Variants in TTLL12 observed in about 807,000 individuals in gnomAD.
The protein encoded by TTLL12 is tubulin--tyrosine ligase-like protein 12.
TTLL12 carries 77 observed loss-of-function variants against 79.6 expected under a neutral mutation model. The observed-to-expected ratio is 0.97, with a 90% confidence interval of 0.81 to 1.17. The LOEUF (loss-of-function observed/expected upper bound fraction) is 1.17. TTLL12 is among the 50% of genes most tolerant of loss of function. The pLI is 0.00. For synonymous variants in TTLL12, 437 were observed against 376.1 expected (o/e 1.16, Z -1.87); for missense variants, 969 against 895.9 (o/e 1.08, Z -1.04).
At chr22:43,171,674 A>G in intron 11 of TTLL12, 145 bp downstream of exon 11, 1 of 634,090 alleles carries the variant, frequency 1.6e-6, no homozygotes, top group Admixed American at 2.7e-5. Context: ...CAGCGCTAAC[A>G]ATCGCCTTCC....
chr22:43,184,089 T>C (rs1932123941), intron 1 of TTLL12, among the ~76,000 whole-genome samples: 1 of 152,230 alleles, frequency 6.6e-6, no homozygotes, highest in Non-Finnish European at 1.5e-5. Flanking sequence ...TCTGAGACTG[T>C]TTCTTCACTT....
chr22:43,176,444 G>A (rs775467708), intron 5 of TTLL12, 48 bp from the exon 6 acceptor site: 18 of 1,508,956 alleles, frequency 1.2e-5, no homozygotes, highest in Non-Finnish European at 1.4e-5. Flanking sequence ...GGAAGGGAGG[G>A]AAAGGCCGGC....
chr22:43,180,238 G>C (rs1386511982), intron 3 of TTLL12, among the ~76,000 whole-genome samples: 4 of 152,182 alleles, frequency 2.6e-5, no homozygotes, highest in African/African-American at 9.7e-5. Flanking sequence ...AGGGCGTTTG[G>C]TAACAAGGCA....
chr22:43,175,168 G>A (rs1296700913), intron 6 of TTLL12: 1 of 152,370 alleles, frequency 6.6e-6, no homozygotes, highest in East Asian at 1.9e-4. Flanking sequence ...GCCTGTTCTT[G>A]GCTAGACCAG....
intron 1 of TTLL12, among the ~76,000 whole-genome samples, chr22:43,184,627 T>C (rs1336644135): frequency 6.6e-6 from 1 of 152,238 alleles, no homozygotes; most frequent in African/African-American, 2.4e-5. Context: ...AGTTCTCCTT[T>C]AGCCCTCAAG....
Position 43,172,405 on chromosome 22 carries a change from G to T in TTLL12, c.1491C>A (p.Asn497Lys). ...VYDVFWLRFSNRAFALNDLDD... is the reference protein window; with the variant it reads ...VYDVFWLRFSKRAFALNDLDD... ...GACCCAGCCGGCCCTCCACTTACCG[G>T]TTGGAGAACCGCAGCCAGAACACAT... is the stretch of plus-strand genomic sequence containing the variant. The change falls in exon 10 of 14, where the codon AAC becomes AAA. Residue 497 changes from asparagine to lysine, a missense_variant and splice_region_variant. By Grantham distance (94) the Asn-to-Lys change is moderately conservative. Transcript: ENST00000216129. 6.2e-7 allele frequency: 1 copy of T among 1,614,032 alleles called. No individual in the cohort carries two copies. Among genetic ancestry groups the T allele is most frequent in the Non-Finnish European group, 8.5e-7 (1 of 1,179,950 alleles).
chr22:43,174,765 C>G (rs753465366), intron 6 of TTLL12, 150 bp from the exon 7 acceptor site: 5 of 607,196 alleles, frequency 8.2e-6, no homozygotes, highest in Non-Finnish European at 1.4e-5. Context: ...CTGGACAGCC[C>G]GGGTTCAGAC....
intron 6 of TTLL12, chr22:43,175,199 T>C (rs1448931612): frequency 6.6e-6 from 1 of 151,816 alleles, no homozygotes; most frequent in Non-Finnish European, 1.5e-5. Context: ...CCAAGGGGAG[T>C]GTCTGGGAGC....
intron 5 of TTLL12, 91 bp from the exon 6 acceptor site, chr22:43,176,487 T>C: frequency 4.8e-6 from 5 of 1,040,818 alleles, no homozygotes; most frequent in South Asian, 1.4e-5. Context: ...CCCAGCACTT[T>C]GAGAGGGTGA....
intron 5 of TTLL12, among the ~76,000 whole-genome samples, chr22:43,178,607 C>T (rs1380794937): frequency 1.3e-5 from 2 of 152,194 alleles, no homozygotes; most frequent in Non-Finnish European, 2.9e-5. Context: ...AGGCATGAGC[C>T]CCCACGCCCA....
intron 1 of TTLL12, among the ~76,000 whole-genome samples, chr22:43,184,283 T>C (rs1179540045): frequency 6.6e-6 from 1 of 152,268 alleles, no homozygotes; most frequent in Non-Finnish European, 1.5e-5. Flanking sequence ...GCAGCTTTTG[T>C]GCACTGGGCA....
At position 43,174,249 on chromosome 22, in the gene TTLL12, G is replaced by C; in HGVS notation, c.1189C>G (p.Leu397Val). The C allele has an allele frequency of 6.2e-7, 1 of 1,608,248 alleles. No homozygotes were observed. Among genetic ancestry groups the C allele is most frequent in the Non-Finnish European group, 8.5e-7 (1 of 1,179,888 alleles). ...LPRTFNLRTE[L>V]PQFVSYFQQR... ...TGGAAGTAGCTGACAAACTGGGGCAGCTCAGTGCGCAGGTTGAAGGTTCGG... is the reference window on the plus strand; with the variant it reads ...TGGAAGTAGCTGACAAACTGGGGCACCTCAGTGCGCAGGTTGAAGGTTCGG... The change falls in exon 8 of 14, where the codon CTG becomes GTG. Residue 397 changes from leucine (L) to valine (V), a missense_variant. Physicochemically the swap from Leu to Val is conservative, Grantham distance 32. Coordinates refer to ENST00000216129, the MANE Select transcript of TTLL12 (RefSeq NM_015140.4).
Position 43,172,389 on chromosome 22 carries a change from G to A in TTLL12, c.1493+14C>T, listed in dbSNP as rs199743472. On this transcript the variant is annotated intron_variant, in intron 10 of 13. Transcript: ENST00000216129. ...CAGCTCCCCGACCCTGGACCCAGCCGGCCCTCCACTTACCGGTTGGAGAAC... is the reference window on the plus strand; with the variant it reads ...CAGCTCCCCGACCCTGGACCCAGCCAGCCCTCCACTTACCGGTTGGAGAAC... The A allele has an allele frequency of 1.4e-5, 23 of 1,613,252 alleles. No individual in the cohort carries two copies. Among genetic ancestry groups the A allele is most frequent in the South Asian group, 4.4e-5 (4 of 91,074 alleles).
intron 3 of TTLL12, 113 bp from the exon 4 acceptor site, chr22:43,180,113 C>A (rs945914697): frequency 9.2e-6 from 12 of 1,305,474 alleles, no homozygotes; most frequent in African/African-American, 2.9e-5. Context: ...ATCTTGGAGG[C>A]CCTCTCACAT....
At chr22:43,171,660 A>G in intron 11 of TTLL12, 159 bp downstream of exon 11, 2 of 597,432 alleles carry the variant, frequency 3.3e-6, no homozygotes, top group Non-Finnish European at 6.0e-6. Context: ...CTGGCTCATG[A>G]TGGCAGCGCT....
intron 6 of TTLL12, among the ~76,000 whole-genome samples, 153 bp from the exon 7 acceptor site, chr22:43,174,768 G>A (rs1931860399): frequency 1.3e-5 from 2 of 152,204 alleles, no homozygotes. Context: ...GACAGCCCGG[G>A]TTCAGACCCC....
In TTLL12 at chr22:43,167,494, T is replaced by G. The variant is rs1931646159; in HGVS notation, c.*514A>C. On this transcript the variant is annotated 3_prime_UTR_variant, in exon 14 of 14. Coordinates refer to ENST00000216129, the MANE Select transcript of TTLL12 (RefSeq NM_015140.4). Reference sequence around the variant, plus strand: ...GTCGCATAGAGCCCTGTGGGTGCAGTGTGGGGCCCCACAGCCGTCCCGGGG... The same window carrying G: ...GTCGCATAGAGCCCTGTGGGTGCAGGGTGGGGCCCCACAGCCGTCCCGGGG... 1 of 229,600 alleles carries G rather than the reference T, an allele frequency of 4.4e-6. No individual in the cohort carries two copies. Among genetic ancestry groups the G allele is most frequent in the Non-Finnish European group, 8.8e-6 (1 of 113,318 alleles). The allele number at this position is 229,600 out of a possible 1,614,324, so 14.2% of individuals were successfully genotyped here.
At chr22:43,173,359 G>T (rs1452338300) in intron 9 of TTLL12, among the ~76,000 whole-genome samples, 1 of 152,138 alleles carries the variant, frequency 6.6e-6, no homozygotes, top group Non-Finnish European at 1.5e-5. Context: ...CGCCCAGGGC[G>T]GAGTGCAGTG....
intron 12 of TTLL12, among the ~76,000 whole-genome samples, 186 bp downstream of exon 12, chr22:43,169,313 CA>C (rs1170328221): frequency 2.0e-5 from 3 of 152,194 alleles, no homozygotes; most frequent in Non-Finnish European, 4.4e-5. Context: ...GGAGCACCCA[CA>C]AATGCCCAGG....
Sources: allele counts gnomAD v4.1 joint callset (sites outside exome capture counted in the v4.1 genomes callset), GRCh38; gene constraint gnomAD v4.1.1; transcripts MANE v1.5; gene names NCBI Gene and HGNC (gene_info 2026-07-23, HGNC 2026-07-21).